Variants in RABGAP1L observed in about 807,000 individuals in gnomAD.
The protein encoded by RABGAP1L is rab GTPase-activating protein 1-like.
A neutral mutation model predicts 137.7 loss-of-function variants in RABGAP1L; 63 were observed. That is an observed-to-expected ratio of 0.46 (90% CI 0.37 to 0.56). RABGAP1L has a LOEUF of 0.56. RABGAP1L is among the 20% of genes least tolerant of loss of function. RABGAP1L has a pLI of 0.00. For missense variants in RABGAP1L, 1,095 were observed against 1,244.0 expected, an observed-to-expected ratio of 0.88 and a Z score of 1.80; for synonymous variants, 431 against 433.7, an observed-to-expected ratio of 0.99 and a Z score of 0.08.
chr1:174,662,263 C>G (rs1265316183), intron 14 of RABGAP1L, among the ~76,000 whole-genome samples: 2 of 151,836 alleles, frequency 1.3e-5, no homozygotes, highest in Admixed American at 1.3e-4. Context: ...ACCACCACGC[C>G]CAACTAATTT....
At chr1:174,700,167 G>C (rs750689297) in intron 16 of RABGAP1L, among the ~76,000 whole-genome samples, 2 of 152,198 alleles carry the variant, frequency 1.3e-5, no homozygotes, top group Non-Finnish European at 2.9e-5. Context: ...ATTTATAAAT[G>C]TGTGTGAGAA....
At chr1:174,217,041 G>A (rs183152920) in intron 1 of RABGAP1L, among the ~76,000 whole-genome samples, 4 of 152,240 alleles carry the variant, frequency 2.6e-5, no homozygotes, top group Non-Finnish European at 5.9e-5. Context: ...AGTGGTAGTA[G>A]TAGTAGACAG....
intron 19 of RABGAP1L, among the ~76,000 whole-genome samples, chr1:174,849,292 C>T (rs1303826388): frequency 6.6e-6 from 1 of 152,114 alleles, no homozygotes; most frequent in Non-Finnish European, 1.5e-5. Context: ...TTCACTATCA[C>T]ATATGAAGAA....
chr1:174,689,206 A>G (rs1044790147), intron 15 of RABGAP1L, among the ~76,000 whole-genome samples: 1 of 151,978 alleles, frequency 6.6e-6, no homozygotes, highest in Non-Finnish European at 1.5e-5. Flanking sequence ...AATATTTCTC[A>G]CCAAAAAGAC....
At chr1:174,764,928 T>G (rs1334859981) in intron 18 of RABGAP1L, among the ~76,000 whole-genome samples, 4 of 152,246 alleles carry the variant, frequency 2.6e-5, no homozygotes, top group African/African-American at 9.6e-5. Flanking sequence ...TCACTGTGTT[T>G]TAATCCAGCC....
chr1:174,314,246 A>G (rs144192316), intron 11 of RABGAP1L, among the ~76,000 whole-genome samples: 2,224 of 152,242 alleles, frequency 0.015, 28 homozygotes, highest in Non-Finnish European at 0.023. Context: ...GGTAGGTTGT[A>G]TGTGTCTAGG....
intron 11 of RABGAP1L, among the ~76,000 whole-genome samples, chr1:174,354,388 A>G (rs1365026490): frequency 1.3e-5 from 2 of 152,070 alleles, no homozygotes; most frequent in Non-Finnish European, 2.9e-5. Context: ...CCTTATAAGA[A>G]GCTGTTCTTT....
chr1:174,495,868 T>C (rs1660686235), intron 13 of RABGAP1L, among the ~76,000 whole-genome samples: 1 of 151,894 alleles, frequency 6.6e-6, no homozygotes, highest in Non-Finnish European at 1.5e-5. Context: ...TTCCCAGGAG[T>C]AGAATTACTA....
chr1:174,613,563 G>A (rs1166935024), intron 13 of RABGAP1L, among the ~76,000 whole-genome samples: 4 of 152,114 alleles, frequency 2.6e-5, no homozygotes, highest in Admixed American at 2.0e-4. Flanking sequence ...TCTGCAGATG[G>A]CTGTTAGGTC....
chr1:174,300,528 T>G (rs1178791827), intron 10 of RABGAP1L, among the ~76,000 whole-genome samples: 1 of 40,468 alleles, frequency 2.5e-5, no homozygotes, highest in Non-Finnish European at 3.9e-5. Context: ...AAACTCCATC[T>G]CAAAAAAAAA....
intron 13 of RABGAP1L, among the ~76,000 whole-genome samples, chr1:174,572,053 A>G (rs955823590): frequency 1.3e-5 from 2 of 152,220 alleles, no homozygotes; most frequent in South Asian, 2.1e-4. Flanking sequence ...ACAGCTTACA[A>G]TGAAACATTT....
intron 19 of RABGAP1L, among the ~76,000 whole-genome samples, chr1:174,857,959 A>G (rs1407485939): frequency 6.6e-6 from 1 of 152,170 alleles, no homozygotes; most frequent in Non-Finnish European, 1.5e-5. Context: ...TTAAAAGTTA[A>G]TTTGGGGTGA....
chr1:174,377,137 C>T (rs759547628), intron 12 of RABGAP1L, among the ~76,000 whole-genome samples: 33 of 152,106 alleles, frequency 2.2e-4, no homozygotes, highest in Non-Finnish European at 1.9e-4. Context: ...ATATAGAAAT[C>T]GAACAAATTG....
chr1:174,362,952 T>G (rs1172851460), intron 11 of RABGAP1L, among the ~76,000 whole-genome samples: 1 of 152,198 alleles, frequency 6.6e-6, no homozygotes, highest in Non-Finnish European at 1.5e-5. Context: ...CTATCTTGAG[T>G]TGATTTTTGT....
intron 11 of RABGAP1L, among the ~76,000 whole-genome samples, chr1:174,342,969 C>G (rs1311105787): frequency 6.6e-6 from 1 of 152,218 alleles, no homozygotes. Context: ...GATCTTTTGA[C>G]CTCAGGTGAT....
chr1:174,232,485 T>G (rs1571677316), intron 4 of RABGAP1L, among the ~76,000 whole-genome samples: 3 of 129,924 alleles, frequency 2.3e-5, no homozygotes, highest in Non-Finnish European at 4.9e-5. Flanking sequence ...CCATCTCAAT[T>G]AAAAAAAAAA....
chr1:174,511,750 G>T (rs1332299849), intron 13 of RABGAP1L, among the ~76,000 whole-genome samples: 1 of 151,818 alleles, frequency 6.6e-6, no homozygotes. Flanking sequence ...AGCCTCCCAA[G>T]TAGCTGGGAT....
intron 1 of RABGAP1L, among the ~76,000 whole-genome samples, chr1:174,176,710 T>C (rs1349207793): frequency 7.0e-5 from 2 of 28,636 alleles, no homozygotes; most frequent in Non-Finnish European, 5.7e-5. Context: ...AGACCCTTTT[T>C]CAGAAAAAAA....
chr1:174,897,239 G>A (rs1299771532), intron 19 of RABGAP1L: 1 of 152,104 alleles, frequency 6.6e-6, no homozygotes, highest in Non-Finnish European at 1.5e-5. Context: ...CTCTCTGTTT[G>A]TCTGTTATTG....
Sources: allele counts gnomAD v4.1 joint callset (sites outside exome capture counted in the v4.1 genomes callset), GRCh38; gene constraint gnomAD v4.1.1; transcripts MANE v1.5; gene names NCBI Gene and HGNC (gene_info 2026-07-23, HGNC 2026-07-21).